The following ADAMTSL1 variants were observed in gnomAD, a reference collection of about 807,000 sequenced individuals.
ADAMTSL1 encodes ADAMTS like 1.
In ADAMTSL1, 126 loss-of-function variants were observed where a neutral mutation model predicts 201.8. The observed-to-expected ratio is 0.62, with a 90% CI of 0.54 to 0.72. The LOEUF is 0.72. Among genes scored for constraint, ADAMTSL1 ranks in the 30% least tolerant of loss-of-function variants. The probability of loss-of-function intolerance (pLI) is 0.00; values close to 1 mark genes in which losing one functional copy is unlikely to be tolerated. For synonymous variants in ADAMTSL1, 1,121 were observed against 903.4 expected (o/e 1.24, Z -4.32); for missense variants, 2,679 against 2,277.8 (o/e 1.18, Z -3.59).
intron 1 of ADAMTSL1, among the ~76,000 whole-genome samples, chr9:18,073,687 T>G (rs1281743401): frequency 6.6e-6 from 1 of 152,334 alleles, no homozygotes; most frequent in East Asian, 1.9e-4. Flanking sequence ...TTTTATAACC[T>G]TGGAACTGTT....
chr9:18,292,222 C>T (rs144006986), intron 2 of ADAMTSL1, among the ~76,000 whole-genome samples: 207 of 152,058 alleles, frequency 1.4e-3, no homozygotes, highest in African/African-American at 4.2e-3. Context: ...TTCTAAGAAC[C>T]GTTAATTTAG....
intron 1 of ADAMTSL1, among the ~76,000 whole-genome samples, chr9:18,475,224 C>T (rs958812613): frequency 1.3e-5 from 2 of 152,080 alleles, no homozygotes; most frequent in African/African-American, 4.8e-5. Context: ...TTATAACATG[C>T]CAGAACTTCC....
chr9:18,519,859 A>T (rs968291863), intron 2 of ADAMTSL1, among the ~76,000 whole-genome samples: 6 of 152,160 alleles, frequency 3.9e-5, no homozygotes, highest in Admixed American at 2.6e-4. Flanking sequence ...GCTGGGCATG[A>T]CCTTTATGGT....
chr9:18,394,338 CT>C, intron 2 of ADAMTSL1, among the ~76,000 whole-genome samples: 1 of 152,294 alleles, frequency 6.6e-6, no homozygotes, highest in African/African-American at 2.4e-5. Flanking sequence ...ATAACAGAAT[CT>C]GTCCACAGCA....
intron 22 of ADAMTSL1, among the ~76,000 whole-genome samples, 198 bp from the exon 23 acceptor site, chr9:18,829,645 A>G (rs1196705345): frequency 2.6e-5 from 4 of 152,176 alleles, no homozygotes; most frequent in African/African-American, 9.7e-5. Context: ...GGCATCAAAT[A>G]CCTGTATTAA....
At chr9:18,860,352 C>A (rs1448754033) in intron 23 of ADAMTSL1, among the ~76,000 whole-genome samples, 1 of 152,118 alleles carries the variant, frequency 6.6e-6, no homozygotes, top group Non-Finnish European at 1.5e-5. Context: ...AAGTCTAGAC[C>A]ACCACCCCTT....
intron 1 of ADAMTSL1, among the ~76,000 whole-genome samples, chr9:17,993,912 T>C (rs989925825): frequency 3.9e-5 from 6 of 152,208 alleles, no homozygotes; most frequent in Admixed American, 3.9e-4. Context: ...TGAGTCTCCA[T>C]GTTAGTGGGA....
At chr9:18,393,537 A>C (rs571782113) in intron 2 of ADAMTSL1, among the ~76,000 whole-genome samples, 1 of 152,296 alleles carries the variant, frequency 6.6e-6, no homozygotes, top group Admixed American at 6.5e-5. Flanking sequence ...GCATCATTCA[A>C]ACTTACTAAG....
In ADAMTSL1 at chr9:18,206,563, TGAA is replaced by T. The variant is rs530086362; in HGVS notation, c.207+42583_207+42585del. ...TGTGTCCCTCTCATCTTCACACTCC[TGAA>T]ACACTGAGCAGACTTCTAGCCCTAC... On this transcript the variant is annotated intron_variant, in intron 2 of 29. Coordinates refer to the ADAMTSL1 transcript ENST00000680146. Among the ~76,000 whole-genome samples, 187 of 152,284 alleles carry T rather than the reference TGAA, an allele frequency of 1.2e-3. 1 individual carries two copies. In the Middle Eastern group the frequency reaches 0.017, roughly 14 times the overall value.
chr9:18,015,639 T>A (rs1820226334), intron 1 of ADAMTSL1, among the ~76,000 whole-genome samples: 1 of 152,012 alleles, frequency 6.6e-6, no homozygotes, highest in Non-Finnish European at 1.5e-5. Flanking sequence ...TCAGAATGTT[T>A]AAGGAATTTT....
chr9:18,524,927 C>T (rs1224830379), intron 2 of ADAMTSL1, among the ~76,000 whole-genome samples: 1 of 152,158 alleles, frequency 6.6e-6, no homozygotes, highest in African/African-American at 2.4e-5. Context: ...CTGTGCCAGG[C>T]TTTGGTATCA....
intron 15 of ADAMTSL1, among the ~76,000 whole-genome samples, chr9:18,722,004 TA>T (rs1247514159): frequency 6.6e-6 from 1 of 152,152 alleles, no homozygotes; most frequent in African/African-American, 2.4e-5. Flanking sequence ...GCCTGTGTCC[TA>T]AGCACTCACA....
intron 2 of ADAMTSL1, among the ~76,000 whole-genome samples, chr9:18,295,435 T>A (rs1833440155): frequency 6.6e-6 from 1 of 151,624 alleles, no homozygotes; most frequent in Non-Finnish European, 1.5e-5. Context: ...GCCTCCTGGG[T>A]TCAAGCAATC....
intron 3 of ADAMTSL1, among the ~76,000 whole-genome samples, chr9:18,546,530 A>G (rs1202851489): frequency 1.3e-5 from 2 of 152,222 alleles, no homozygotes; most frequent in East Asian, 3.9e-4. Flanking sequence ...TCCCTTTCCC[A>G]AGCAGCATAT....
chr9:18,430,922 A>G (rs1819460729), intron 2 of ADAMTSL1, among the ~76,000 whole-genome samples: 1 of 152,224 alleles, frequency 6.6e-6, no homozygotes, highest in Non-Finnish European at 1.5e-5. Context: ...TGATCTGTAC[A>G]GACATAAAAC....
chr9:17,941,622 C>T (rs572464816), intron 1 of ADAMTSL1, among the ~76,000 whole-genome samples: 1 of 152,028 alleles, frequency 6.6e-6, no homozygotes, highest in East Asian at 1.9e-4. Flanking sequence ...TTTCAAAGAG[C>T]TTTTGAGTAT....
intron 2 of ADAMTSL1, among the ~76,000 whole-genome samples, chr9:18,381,453 G>T (rs571354571): frequency 2.6e-5 from 4 of 152,286 alleles, no homozygotes; most frequent in African/African-American, 9.6e-5. Context: ...GCTTAGAAAA[G>T]TTAAGGTTCT....
chr9:18,070,145 G>A (rs1261122994), intron 1 of ADAMTSL1, among the ~76,000 whole-genome samples: 1 of 152,134 alleles, frequency 6.6e-6, no homozygotes, highest in Non-Finnish European at 1.5e-5. Flanking sequence ...CTAGGTAAGA[G>A]GACTGAATTC....
intron 9 of ADAMTSL1, among the ~76,000 whole-genome samples, chr9:18,672,967 T>C (rs950219603): frequency 6.6e-6 from 1 of 152,230 alleles, no homozygotes; most frequent in African/African-American, 2.4e-5. Context: ...AGAAACAATG[T>C]AAGAACTGTG....
Sources: gnomAD v4.1 joint callset for allele counts (sites outside exome capture counted in the v4.1 genomes callset) on GRCh38, gnomAD v4.1.1 for gene constraint, MANE v1.5 for transcripts, NCBI Gene and HGNC (gene_info 2026-07-23, HGNC 2026-07-21) for gene names.